Variants in CNPY1 observed in about 807,000 individuals in gnomAD.
The protein encoded by CNPY1 is canopy FGF signaling regulator 1, also known as protein canopy homolog 1.
CNPY1 carries 14 observed loss-of-function variants against 14.4 expected under a neutral mutation model. The ratio of observed to expected loss-of-function variants is 0.97; its 90% CI spans 0.64 to 1.52. The LOEUF is 1.52. CNPY1 is among the 40% of genes most tolerant of loss of function. The probability of loss-of-function intolerance (pLI) is 0.00; values close to 1 mark genes in which losing one functional copy is unlikely to be tolerated. For missense variants in CNPY1, 129 were observed against 131.5 expected, an observed-to-expected ratio of 0.98 and a Z score of 0.09; for synonymous variants, 43 against 46.5, an observed-to-expected ratio of 0.92 and a Z score of 0.31.
In CNPY1 at chr7:155,536,163, T is replaced by C. The variant is rs1421334047; in HGVS notation, c.99+9668A>G. On this transcript the variant is annotated intron_variant, in intron 2 of 4. Transcript: ENST00000636446. The surrounding 1 kb of genome is among the most constrained non-coding windows in gnomAD (Gnocchi z 4.1). ...TTTGAAATGGGATGCTGTAAATCCATGGCATGCAGTGGTGAAACAGGGACT... is the reference window on the plus strand; with the variant it reads ...TTTGAAATGGGATGCTGTAAATCCACGGCATGCAGTGGTGAAACAGGGACT... Among the ~76,000 whole-genome samples the C allele has an allele frequency of 6.6e-6, 1 of 152,086 alleles. No homozygotes were observed. The highest frequency in any genetic ancestry group is 1.5e-5 in the Non-Finnish European group (1 of 68,012).
intron 2 of CNPY1, among the ~76,000 whole-genome samples, chr7:155,519,084 T>C (rs762688450): frequency 3.3e-5 from 5 of 152,120 alleles, no homozygotes; most frequent in Non-Finnish European, 5.9e-5. Flanking sequence ...TCACTTCAGG[T>C]AGAGAGAGGG....
chr7:155,503,191 T>C lies in CNPY1; in HGVS notation c.401-86A>G. ...CATTTACATTATGCAAAAACTATGT[T>C]CTGGTAGAAGCATATTTTAAAAACT... On this transcript the variant is annotated intron_variant, in intron 4 of 4. Transcript: ENST00000636446. The C allele has an allele frequency of 2.8e-6, 3 of 1,068,554 alleles. No individual in the cohort carries two copies. In the South Asian group the frequency reaches 4.3e-5, roughly 15 times the overall value. 66.2% of individuals were successfully genotyped at this position (1,068,554 alleles called of 1,614,324 possible).
intron 2 of CNPY1, among the ~76,000 whole-genome samples, chr7:155,522,456 T>C (rs995343514): frequency 5.3e-5 from 8 of 152,354 alleles, no homozygotes; most frequent in African/African-American, 1.9e-4. Flanking sequence ...TGCTGGGGGC[T>C]TCCATCCCAG....
At position 155,523,416 on chromosome 7, in the gene CNPY1, G is replaced by A. The variant is rs541257735; in HGVS notation, c.100-14319C>T. On this transcript the variant is annotated intron_variant, in intron 2 of 4. Transcript: ENST00000636446. ...AGGTCAATGTTAGGGTTTGTTTCCCGTAACATCTTCATTATTATCTGGAGG... is the reference window on the plus strand; with the variant it reads ...AGGTCAATGTTAGGGTTTGTTTCCCATAACATCTTCATTATTATCTGGAGG... Among the ~76,000 whole-genome samples, 23 of 152,294 alleles carry A rather than the reference G, an allele frequency of 1.5e-4. 1 individual carries two copies. The highest frequency in any genetic ancestry group is 4.6e-4 in the Admixed American group (7 of 15,298).
intron 2 of CNPY1, among the ~76,000 whole-genome samples, chr7:155,543,704 C>T (rs1300433621): frequency 1.3e-5 from 2 of 152,160 alleles, no homozygotes; most frequent in East Asian, 3.9e-4. Flanking sequence ...GCTTTAAAGA[C>T]GAGTTCTCCA....
intron 3 of CNPY1, among the ~76,000 whole-genome samples, chr7:155,508,617 GGACTT>G (rs1236050640): frequency 6.6e-6 from 1 of 152,188 alleles, no homozygotes; most frequent in Non-Finnish European, 1.5e-5. Context: ...AAAGTCCCCG[GGACTT>G]GTGCACAGCA....
At chr7:155,514,262 T>A (rs1441609239) in intron 2 of CNPY1, among the ~76,000 whole-genome samples, 1 of 152,246 alleles carries the variant, frequency 6.6e-6, no homozygotes, top group Admixed American at 6.5e-5. Context: ...GACGCTTCCG[T>A]GATTCTGCAT....
intron 2 of CNPY1, among the ~76,000 whole-genome samples, chr7:155,531,275 TTGAAAGGAAAATTTGGGC>T (rs1796933159): frequency 6.6e-6 from 1 of 152,224 alleles, no homozygotes; most frequent in Non-Finnish European, 1.5e-5. Context: ...AAAGCCTTTT[TTGAAAGGAAAATTTGGGC>T]TCACACTATG....
intron 2 of CNPY1, among the ~76,000 whole-genome samples, chr7:155,533,224 C>T (rs1303751805): frequency 6.6e-6 from 1 of 152,158 alleles, no homozygotes; most frequent in Non-Finnish European, 1.5e-5. Flanking sequence ...ACTCCGCGCC[C>T]GACGGGAACG....
intron 4 of CNPY1, among the ~76,000 whole-genome samples, chr7:155,504,728 A>ACAC (rs1389526148): frequency 1.6e-4 from 24 of 146,372 alleles, no homozygotes; most frequent in African/African-American, 6.1e-4. Context: ...ACACACACAC[A>ACAC]GTCACATCTT....
intron 2 of CNPY1, among the ~76,000 whole-genome samples, chr7:155,529,956 G>T (rs1169803806): frequency 1.3e-5 from 2 of 151,902 alleles, no homozygotes; most frequent in Non-Finnish European, 2.9e-5. Context: ...CTAATTTATT[G>T]TATTTTTAGT....
intron 2 of CNPY1, among the ~76,000 whole-genome samples, chr7:155,532,801 C>G (rs1247527811): frequency 2.6e-5 from 4 of 152,114 alleles, no homozygotes; most frequent in African/African-American, 9.7e-5. Context: ...GGAAAAACTG[C>G]CTCGCTCATG....
chr7:155,527,279 C>A (rs986751006), intron 2 of CNPY1, among the ~76,000 whole-genome samples: 1 of 151,532 alleles, frequency 6.6e-6, no homozygotes, highest in Non-Finnish European at 1.5e-5. Context: ...AAGCCAAAAA[C>A]CTGCATAGCT....
intron 2 of CNPY1, among the ~76,000 whole-genome samples, chr7:155,523,093 T>C (rs1796754514): frequency 6.6e-6 from 1 of 152,156 alleles, no homozygotes; most frequent in South Asian, 2.1e-4. Context: ...AAGGAGCAAT[T>C]AACAGGACTA....
Position 155,546,192 on chromosome 7 carries a change from C to CTT in CNPY1, c.-15+235_-15+236dup, listed in dbSNP as rs5888630. ...AATTTACTTTTACATTTAAAATGTG[C>CTT]TTTTTTTTTTTTGAGACAGGGTCTC... On this transcript the variant is annotated intron_variant, in intron 1 of 4. Coordinates refer to ENST00000636446, the MANE Select transcript of CNPY1 (RefSeq NM_001393663.1). Among the ~76,000 whole-genome samples the CTT allele has an allele frequency of 1.3e-4, 19 of 146,722 alleles. No homozygotes were observed. The East Asian group carries it at 1.6e-3, about 12-fold the overall frequency.
chr7:155,542,591 T>C (rs1283950387), intron 2 of CNPY1, among the ~76,000 whole-genome samples: 1 of 147,250 alleles, frequency 6.8e-6, no homozygotes, highest in Non-Finnish European at 1.5e-5. Flanking sequence ...GTATGCAGAG[T>C]AGAAAAAAAA....
intron 1 of CNPY1, 54 bp downstream of exon 1, chr7:155,546,375 G>A (rs1171365215): frequency 7.6e-6 from 3 of 396,146 alleles, no homozygotes; most frequent in African/African-American, 4.2e-5. Context: ...TTTAAGAGAC[G>A]GGGGGTCTCA....
chr7:155,503,374 A>G (rs542226968), intron 4 of CNPY1, among the ~76,000 whole-genome samples: 1 of 152,242 alleles, frequency 6.6e-6, no homozygotes, highest in South Asian at 2.1e-4. Flanking sequence ...TAGGATTTAA[A>G]GCAAGGCCAA....
intron 2 of CNPY1, among the ~76,000 whole-genome samples, chr7:155,543,896 T>C (rs1797129630): frequency 1.3e-5 from 2 of 152,222 alleles, no homozygotes; most frequent in Non-Finnish European, 2.9e-5. Flanking sequence ...CTGGTGAATG[T>C]AGCCGTCTAG....
Sources: gnomAD v4.1 joint callset for allele counts (sites outside exome capture counted in the v4.1 genomes callset) on GRCh38, gnomAD v4.1.1 for gene constraint, Gnocchi (gnomAD v3.1) non-coding constraint, MANE v1.5 for transcripts, NCBI Gene and HGNC (gene_info 2026-07-23, HGNC 2026-07-21) for gene names.